The following TFEC variants were observed in gnomAD, a reference collection of about 807,000 sequenced individuals.
TFEC encodes the protein transcription factor EC.
Under a neutral mutation model 41.6 loss-of-function variants are expected in TFEC, and 31 were observed. The observed-to-expected ratio is 0.74, with a 90% CI of 0.56 to 1.01. TFEC has a LOEUF of 1.01. Ranked by LOEUF, TFEC falls within the 50% of genes least tolerant of loss-of-function variation. TFEC has a pLI of 0.00. For missense variants in TFEC, 402 were observed against 404.1 expected (o/e 0.99, Z 0.04); for synonymous variants, 143 against 140.6 (o/e 1.02, Z -0.12).
chr7:115,992,817 C>G (rs923804547), intron 1 of TFEC, among the ~76,000 whole-genome samples: 1 of 152,122 alleles, frequency 6.6e-6, no homozygotes, highest in Non-Finnish European at 1.5e-5. Context: ...CTATTCCAAT[C>G]AATAGAAAAA....
In TFEC at chr7:116,006,164, G is replaced by A. The variant is rs147255471; in HGVS notation, c.-72-21651C>T. On this transcript the variant is annotated intron_variant, in intron 1 of 7. Transcript: ENST00000265440. ...AGGGAAATGTGGGGTCAGAGCCTCCGCACAGAGTCCCTACTGGACCACTGC... is the reference window on the plus strand; with the variant it reads ...AGGGAAATGTGGGGTCAGAGCCTCCACACAGAGTCCCTACTGGACCACTGC... Among the ~76,000 whole-genome samples, 611 of 152,298 alleles carry A rather than the reference G, an allele frequency of 4.0e-3. 3 individuals carry two copies. Among genetic ancestry groups the A allele is most frequent in the African/African-American group, 4.4e-3 (184 of 41,558 alleles).
At chr7:116,044,115 G>C (rs1796104047) in intron 3 of TFEC, among the ~76,000 whole-genome samples, 1 of 152,202 alleles carries the variant, frequency 6.6e-6, no homozygotes, top group Non-Finnish European at 1.5e-5. Flanking sequence ...CACTGTGAAA[G>C]ATGTTAAGTT....
intron 3 of TFEC, among the ~76,000 whole-genome samples, chr7:116,076,523 C>T (rs1304516304): frequency 6.6e-6 from 1 of 151,804 alleles, no homozygotes; most frequent in Admixed American, 6.6e-5. Flanking sequence ...AAATCAAAAA[C>T]ATGATACAGG....
intron 3 of TFEC, among the ~76,000 whole-genome samples, chr7:116,084,294 C>T (rs531140449): frequency 1.3e-5 from 2 of 151,900 alleles, no homozygotes; most frequent in Non-Finnish European, 2.9e-5. Context: ...AGGTTTTATT[C>T]GAATTTATTT....
At chr7:116,049,046 A>G (rs1193345171) in intron 3 of TFEC, among the ~76,000 whole-genome samples, 1 of 152,228 alleles carries the variant, frequency 6.6e-6, no homozygotes, top group Admixed American at 6.5e-5. Context: ...TGTAAAGACC[A>G]TCATGCTAGG....
At chr7:116,010,738 A>G (rs1794969807) in intron 1 of TFEC, among the ~76,000 whole-genome samples, 1 of 152,144 alleles carries the variant, frequency 6.6e-6, no homozygotes, top group African/African-American at 2.4e-5. Context: ...ATCTATTCTG[A>G]TATTAAACTT....
In TFEC at chr7:115,938,264, T is replaced by C. The variant is rs1031093648; in HGVS notation, c.*2287A>G. The C allele has an allele frequency of 6.6e-6, 1 of 151,956 alleles. No homozygotes were observed. The highest frequency in any genetic ancestry group is 1.5e-5 in the Non-Finnish European group (1 of 67,884). 9.4% of individuals were successfully genotyped at this position (151,956 alleles called of 1,614,324 possible). On this transcript the variant is annotated 3_prime_UTR_variant, in exon 8 of 8. Coordinates refer to ENST00000265440, the MANE Select transcript of TFEC (RefSeq NM_012252.4). The stretch of plus-strand genomic sequence containing the variant: ...GAAGAAATGAGAAGAGCAGATAAAA[T>C]GAGAACTGAAGCCAGTCTCTATCTA...
chr7:115,993,351 G>A (rs966732914), intron 1 of TFEC, among the ~76,000 whole-genome samples: 2 of 152,082 alleles, frequency 1.3e-5, no homozygotes, highest in African/African-American at 2.4e-5. Flanking sequence ...TGGAAGTTCT[G>A]GCCAGGACAA....
chr7:116,098,284 C>T (rs578196072), intron 3 of TFEC, among the ~76,000 whole-genome samples: 4 of 152,142 alleles, frequency 2.6e-5, no homozygotes, highest in South Asian at 2.1e-4. Flanking sequence ...CTCAGTCTCC[C>T]GAGTAGCTAG....
chr7:116,119,014 T>A (rs917042562), intron 1 of TFEC, among the ~76,000 whole-genome samples: 7 of 151,966 alleles, frequency 4.6e-5, no homozygotes, highest in African/African-American at 1.7e-4. Context: ...AGCACAAGCA[T>A]TTTATTGTGG....
intron 3 of TFEC, among the ~76,000 whole-genome samples, chr7:116,072,573 C>T (rs1164972744): frequency 1.3e-5 from 2 of 151,510 alleles, no homozygotes; most frequent in African/African-American, 2.4e-5. Flanking sequence ...ACTTTTGTGG[C>T]TGGGACCATT....
intron 3 of TFEC, among the ~76,000 whole-genome samples, chr7:116,064,743 G>T (rs1796654292): frequency 6.6e-6 from 1 of 151,978 alleles, no homozygotes. Context: ...TGAATTAGTG[G>T]CAACTTATGA....
intron 1 of TFEC, among the ~76,000 whole-genome samples, chr7:116,158,780 T>C (rs1450242840): frequency 2.6e-5 from 4 of 152,108 alleles, no homozygotes; most frequent in Admixed American, 1.3e-4. Flanking sequence ...GCACAAATCC[T>C]ATTTTGTAGT....
intron 2 of TFEC, among the ~76,000 whole-genome samples, chr7:115,981,748 G>A (rs1036257630): frequency 6.6e-6 from 1 of 152,194 alleles, no homozygotes; most frequent in Admixed American, 6.5e-5. Flanking sequence ...ACCAGGGAAA[G>A]CACCTTAGAC....
At chr7:115,954,958 C>T (rs910220203) in intron 4 of TFEC, among the ~76,000 whole-genome samples, 4 of 151,884 alleles carry the variant, frequency 2.6e-5, no homozygotes, top group African/African-American at 9.7e-5. Context: ...ACAATACCTA[C>T]CTTAAAATCA....
rs910352886 is a variant in TFEC at position 115,940,477 on chromosome 7, T to C, written c.*74A>G. 3 of 1,465,412 alleles carry C rather than the reference T, an allele frequency of 2.0e-6. No homozygotes were observed. In the South Asian group the frequency reaches 4.4e-5, roughly 21 times the overall value. 90.8% of individuals were successfully genotyped at this position (1,465,412 alleles called of 1,614,324 possible). A position where few individuals can be genotyped will look rare whatever the true frequency, so the allele number is the denominator to read the frequency against. On this transcript the variant is annotated 3_prime_UTR_variant, in exon 8 of 8. Transcript: ENST00000265440. ...AAAAAAAATAAGCCAAAGCAACATA[T>C]GAAACACAGAGCATAATTGCATAGC...
chr7:116,075,200 G>A lies in TFEC; in HGVS notation c.198+35508C>T, dbSNP rs138471263. ...TACTTGGGTGAACTAAATGGACTAC[G>A]AATTGTATCTCAGTGAAGCTATTTT... is the stretch of plus-strand genomic sequence containing the variant. On this transcript the variant is annotated intron_variant, in intron 3 of 8. Transcript: ENST00000484212. Among the ~76,000 whole-genome samples the A allele has an allele frequency of 5.3e-5, 8 of 152,272 alleles. No individual in the cohort carries two copies. The East Asian group carries it at 1.4e-3, about 26-fold the overall frequency.
chr7:116,101,373 TA>T (rs755224998), intron 3 of TFEC, among the ~76,000 whole-genome samples: 1 of 152,012 alleles, frequency 6.6e-6, no homozygotes, highest in Non-Finnish European at 1.5e-5. Flanking sequence ...CTTTTTCTGA[TA>T]AAAGGGGAAA....
intron 3 of TFEC, among the ~76,000 whole-genome samples, chr7:115,958,580 A>C (rs1792360048): frequency 6.6e-6 from 1 of 151,850 alleles, no homozygotes; most frequent in Admixed American, 6.6e-5. Context: ...CATATTACAG[A>C]TATACCGCAA....
Sources: allele counts gnomAD v4.1 joint callset (sites outside exome capture counted in the v4.1 genomes callset), GRCh38; gene constraint gnomAD v4.1.1; transcripts MANE v1.5; gene names NCBI Gene and HGNC (gene_info 2026-07-23, HGNC 2026-07-21).